Variants in KCNK1 observed in about 807,000 individuals in gnomAD.
KCNK1 encodes the protein potassium two pore domain channel subfamily K member 1.
Under a neutral mutation model 22.2 loss-of-function variants are expected in KCNK1, and 10 were observed. That is an observed-to-expected ratio of 0.45 (90% confidence interval 0.28 to 0.76). KCNK1 has a LOEUF of 0.76. Ranked by LOEUF, KCNK1 falls within the 30% of genes least tolerant of loss-of-function variation. KCNK1 has a pLI of 0.14. For synonymous variants in KCNK1, 200 were observed against 186.4 expected, an observed-to-expected ratio of 1.07 and a Z score of -0.60; for missense variants, 378 against 421.0, an observed-to-expected ratio of 0.90 and a Z score of 0.89.
chr1:233,671,762 A>G lies in KCNK1; in HGVS notation c.*232A>G, dbSNP rs1209625374. On this transcript the variant is annotated 3_prime_UTR_variant, in exon 3 of 3. Coordinates refer to ENST00000366621, the MANE Select transcript of KCNK1 (RefSeq NM_002245.4). ...GAAATGAGATGTCCACCTAAAATTC[A>G]TATGTGACAAAATTATCTCGACCTT... 2 of 551,356 alleles carry G rather than the reference A, an allele frequency of 3.6e-6. No homozygotes were observed. The highest frequency in any genetic ancestry group is 1.9e-5 in the African/African-American group (1 of 52,962). 34.2% of individuals were successfully genotyped at this position (551,356 alleles called of 1,614,324 possible).
chr1:233,657,964 C>T (rs757815279), intron 1 of KCNK1, among the ~76,000 whole-genome samples: 3 of 152,138 alleles, frequency 2.0e-5, no homozygotes, highest in Admixed American at 6.5e-5. Context: ...ATGTAACATA[C>T]GTGTTTCTTT....
intron 1 of KCNK1, among the ~76,000 whole-genome samples, chr1:233,658,998 CAATTTATTTTCTTTCTTT>C (rs896837657): frequency 6.6e-6 from 1 of 151,960 alleles, no homozygotes; most frequent in African/African-American, 2.4e-5. Context: ...TTTCTTTCTT[CAATTTATTTTCTTTCTTT>C]AATTTATTAT....
At chr1:233,630,327 C>G (rs1251436921) in intron 1 of KCNK1, among the ~76,000 whole-genome samples, 4 of 152,218 alleles carry the variant, frequency 2.6e-5, no homozygotes, top group South Asian at 4.1e-4. Context: ...TCCTACGTCA[C>G]TGAGTTGTAA....
intron 2 of KCNK1, among the ~76,000 whole-genome samples, chr1:233,667,729 CAAAAAAAAAAAAA>C (rs71170433): frequency 1.2e-5 from 1 of 86,094 alleles, no homozygotes; most frequent in Non-Finnish European, 2.1e-5. Flanking sequence ...GACTCCGTCT[CAAAAAAAAAAAAA>C]AAAAAAAAAA....
intron 1 of KCNK1, 84 bp downstream of exon 1, chr1:233,614,610 C>A (rs1657450044): frequency 9.2e-7 from 1 of 1,081,300 alleles, no homozygotes; most frequent in Non-Finnish European, 1.3e-6. Context: ...CCGGGCCCCT[C>A]TAACCCTCCC....
intron 1 of KCNK1, among the ~76,000 whole-genome samples, chr1:233,634,135 G>C (rs994798828): frequency 6.6e-6 from 1 of 151,884 alleles, no homozygotes; most frequent in Admixed American, 6.6e-5. Context: ...GTGAAACCCT[G>C]TCTCTACTAA....
At chr1:233,651,915 C>T (rs189359873) in intron 1 of KCNK1, among the ~76,000 whole-genome samples, 34 of 152,324 alleles carry the variant, frequency 2.2e-4, no homozygotes, top group African/African-American at 7.5e-4. Context: ...TGTATAAACC[C>T]TCTTATTCCT....
chr1:233,640,498 G>C, intron 1 of KCNK1, among the ~76,000 whole-genome samples: 1 of 152,292 alleles, frequency 6.6e-6, no homozygotes, highest in Non-Finnish European at 1.5e-5. Context: ...ATTAATTATA[G>C]TTAGATATTA....
At chr1:233,619,840 G>A (rs1465953548) in intron 1 of KCNK1, among the ~76,000 whole-genome samples, 1 of 150,364 alleles carries the variant, frequency 6.7e-6, no homozygotes, top group Non-Finnish European at 1.5e-5. Context: ...AACCTGGGAG[G>A]TGGAGATTGC....
At chr1:233,663,941 C>T (rs1402199740) in intron 1 of KCNK1, among the ~76,000 whole-genome samples, 1 of 152,006 alleles carries the variant, frequency 6.6e-6, no homozygotes, top group Admixed American at 6.5e-5. Flanking sequence ...AAACAATTCT[C>T]CTGTCTCAGC....
In KCNK1 at chr1:233,614,244, T is replaced by A. The variant is rs143897532; in HGVS notation, c.73T>A (p.Phe25Ile). The A allele has an allele frequency of 1.8e-4, 285 of 1,612,974 alleles. No homozygotes were observed. Among genetic ancestry groups the A allele is most frequent in the Middle Eastern group, 3.5e-4 (2 of 5,784 alleles). ...ERHRSAWCFG[F>I]LVLGYLLYLV... ...GCACCGCTCGGCCTGGTGCTTCGGC[T>A]TCCTGGTGCTGGGCTACTTGCTCTA... is the stretch of plus-strand genomic sequence containing the variant. Residue 25 changes from phenylalanine (F) to isoleucine (I), a missense_variant, in exon 1 of 3, where the codon TTC becomes ATC. By Grantham distance (21) the Phe-to-Ile change is conservative (BLOSUM62 0). Transcript: ENST00000366621.
At chr1:233,665,895 G>A (rs1388399432) in intron 1 of KCNK1, among the ~76,000 whole-genome samples, 1 of 152,194 alleles carries the variant, frequency 6.6e-6, no homozygotes, top group Non-Finnish European at 1.5e-5. Context: ...TCTTGTCCAC[G>A]TTGGCAAAGT....
intron 1 of KCNK1, among the ~76,000 whole-genome samples, chr1:233,633,416 A>G (rs1278884037): frequency 6.6e-6 from 1 of 152,154 alleles, no homozygotes; most frequent in Non-Finnish European, 1.5e-5. Flanking sequence ...GGAAATGATG[A>G]TAGCCCAATG....
chr1:233,653,342 T>C (rs891788402), intron 1 of KCNK1, among the ~76,000 whole-genome samples: 3 of 152,216 alleles, frequency 2.0e-5, no homozygotes, highest in African/African-American at 7.2e-5. Context: ...TCCCCTGGTC[T>C]GTTGGCCTCA....
At chr1:233,642,657 G>A (rs1658018735) in intron 1 of KCNK1, among the ~76,000 whole-genome samples, 1 of 152,224 alleles carries the variant, frequency 6.6e-6, no homozygotes, top group Admixed American at 6.5e-5. Flanking sequence ...GCCATGGGAA[G>A]TGATGCTGTG....
intron 2 of KCNK1, among the ~76,000 whole-genome samples, chr1:233,668,300 C>G (rs1166041652): frequency 6.6e-6 from 1 of 152,148 alleles, no homozygotes; most frequent in Non-Finnish European, 1.5e-5. Flanking sequence ...AATTCTTAAC[C>G]CTACAAAATG....
intron 1 of KCNK1, among the ~76,000 whole-genome samples, chr1:233,639,487 T>A (rs1657966927): frequency 6.6e-6 from 1 of 152,216 alleles, no homozygotes; most frequent in Admixed American, 6.5e-5. Flanking sequence ...ATTGAATCCA[T>A]TTTTCCCATA....
chr1:233,624,205 G>A (rs996264758), intron 1 of KCNK1: 1 of 153,800 alleles, frequency 6.5e-6, no homozygotes, highest in Non-Finnish European at 1.5e-5. Context: ...TCTGAATAGA[G>A]TCTGAAGAGT....
At chr1:233,654,817 A>G (rs1349607934) in intron 1 of KCNK1, among the ~76,000 whole-genome samples, 1 of 152,240 alleles carries the variant, frequency 6.6e-6, no homozygotes, top group Admixed American at 6.5e-5. Flanking sequence ...CCAAATGACC[A>G]TCTGATAAGG....
Sources: allele counts gnomAD v4.1 joint callset (sites outside exome capture counted in the v4.1 genomes callset), GRCh38; gene constraint gnomAD v4.1.1; transcripts MANE v1.5; gene names NCBI Gene and HGNC (gene_info 2026-07-23, HGNC 2026-07-21).